Variants in STEAP1B observed in about 807,000 individuals in gnomAD.
STEAP1B encodes the protein STEAP family member 1B, also known as STEAP family protein MGC87042.
STEAP1B carries 13 observed loss-of-function variants against 27.9 expected under a neutral mutation model. That is an observed-to-expected ratio of 0.47 (90% CI 0.30 to 0.74). STEAP1B has a LOEUF of 0.74. Among genes scored for constraint, STEAP1B ranks in the 30% least tolerant of loss-of-function variants. The pLI, the probability that STEAP1B is intolerant of heterozygous loss-of-function variation, is 0.06. For missense variants in STEAP1B, 250 were observed against 298.7 expected, an observed-to-expected ratio of 0.84 and a Z score of 1.20; for synonymous variants, 86 against 107.1, an observed-to-expected ratio of 0.80 and a Z score of 1.22.
At chr7:22,435,152 T>C (rs1435442366) in intron 4 of STEAP1B, among the ~76,000 whole-genome samples, 2 of 152,072 alleles carry the variant, frequency 1.3e-5, no homozygotes, top group Admixed American at 6.5e-5. Context: ...GTTAATCAAT[T>C]GTGATTAAAA....
intron 4 of STEAP1B, among the ~76,000 whole-genome samples, chr7:22,435,247 ATGTC>A (rs1324188756): frequency 1.3e-5 from 2 of 152,104 alleles, no homozygotes; most frequent in Non-Finnish European, 2.9e-5. Context: ...TCAACCTTGA[ATGTC>A]TGGAAGAAAA....
intron 4 of STEAP1B, among the ~76,000 whole-genome samples, chr7:22,471,019 G>A (rs948315081): frequency 6.6e-6 from 1 of 152,182 alleles, no homozygotes; most frequent in Non-Finnish European, 1.5e-5. Context: ...GATTTCCCTG[G>A]CCTGCTTTCA....
In STEAP1B at chr7:22,493,397, T is replaced by C. The variant is rs1310099741; in HGVS notation, c.524A>G (p.His175Arg). Residue 175 changes from histidine (H) to arginine (R), a missense_variant, in exon 3 of 5, where the codon CAT becomes CGT. Physicochemically the swap from His to Arg is conservative, Grantham distance 29. Coordinates refer to ENST00000678116, the MANE Select transcript of STEAP1B (RefSeq NM_001382447.1). ...GLLSLFFAVL[H>R]AIYTLSYAMR... ...TGCGTAAGACAGAGTATAAATTGCA[T>C]GCAGTACAGCAAAAAACAAACTGAG... 2 of 1,614,216 alleles carry C rather than the reference T, an allele frequency of 1.2e-6. No individual in the cohort carries two copies. The highest frequency in any genetic ancestry group is 2.2e-5 in the East Asian group (1 of 44,882).
chr7:22,448,041 G>C (rs993570784), intron 4 of STEAP1B, among the ~76,000 whole-genome samples: 1 of 152,206 alleles, frequency 6.6e-6, no homozygotes, highest in Admixed American at 6.5e-5. Context: ...CTTGCTTTCA[G>C]TTGCTGGTTT....
At chr7:22,499,893 C>T (rs968903371) in intron 1 of STEAP1B, among the ~76,000 whole-genome samples, 5 of 152,246 alleles carry the variant, frequency 3.3e-5, no homozygotes, top group Non-Finnish European at 5.9e-5. Flanking sequence ...CAGCCCCCGG[C>T]CCGGCCACAA....
intron 1 of STEAP1B, among the ~76,000 whole-genome samples, chr7:22,496,965 C>T (rs1786452880): frequency 6.6e-6 from 1 of 152,234 alleles, no homozygotes. Flanking sequence ...AATTACAGAA[C>T]ATTCATGATG....
At chr7:22,452,513 C>G (rs754484650) in intron 4 of STEAP1B, among the ~76,000 whole-genome samples, 1 of 151,986 alleles carries the variant, frequency 6.6e-6, no homozygotes, top group Non-Finnish European at 1.5e-5. Flanking sequence ...TTCAGGATCA[C>G]AAAGCAAGAC....
chr7:22,463,435 C>T (rs1162630293), intron 4 of STEAP1B, among the ~76,000 whole-genome samples: 1 of 152,156 alleles, frequency 6.6e-6, no homozygotes, highest in Non-Finnish European at 1.5e-5. Context: ...TGACTTGCTT[C>T]ACAGAATTGG....
At chr7:22,497,839 G>A (rs10249898) in intron 1 of STEAP1B, among the ~76,000 whole-genome samples, 16,120 of 152,152 alleles carry the variant, frequency 0.11, 1,035 homozygotes, top group African/African-American at 0.17. Context: ...TTATAGTCAT[G>A]GTGGAAGGTG....
At chr7:22,456,428 T>G (rs1050950979) in intron 4 of STEAP1B, among the ~76,000 whole-genome samples, 1 of 152,202 alleles carries the variant, frequency 6.6e-6, no homozygotes, top group South Asian at 2.1e-4. Flanking sequence ...TTCACCATTA[T>G]GCTCCTTGAA....
At chr7:22,439,238 C>G (rs899581476) in intron 4 of STEAP1B, among the ~76,000 whole-genome samples, 4 of 152,210 alleles carry the variant, frequency 2.6e-5, no homozygotes, top group Admixed American at 1.3e-4. Flanking sequence ...TGAAGCATGA[C>G]TTTTCATCTA....
chr7:22,450,864 T>G (rs1785475974), intron 4 of STEAP1B, among the ~76,000 whole-genome samples: 1 of 152,190 alleles, frequency 6.6e-6, no homozygotes, highest in African/African-American at 2.4e-5. Flanking sequence ...GATCTTTCAC[T>G]TCTTTGGTTA....
intron 4 of STEAP1B, among the ~76,000 whole-genome samples, chr7:22,463,410 C>T (rs1026949378): frequency 9.9e-5 from 15 of 152,130 alleles, no homozygotes; most frequent in African/African-American, 3.6e-4. Flanking sequence ...AATGCCATCC[C>T]CATCAAGCTA....
At chr7:22,480,245 T>C (rs1050249306) in intron 4 of STEAP1B, among the ~76,000 whole-genome samples, 4 of 152,214 alleles carry the variant, frequency 2.6e-5, no homozygotes, top group Admixed American at 6.5e-5. Context: ...GGGTCATAAT[T>C]GTACATATCA....
chr7:22,498,744 G>A (rs1383299007), intron 1 of STEAP1B, among the ~76,000 whole-genome samples: 1 of 152,212 alleles, frequency 6.6e-6, no homozygotes, highest in East Asian at 1.9e-4. Context: ...AAGGCTCAGC[G>A]CTGTCTTCTA....
chr7:22,477,930 T>C (rs1380944435), intron 4 of STEAP1B, among the ~76,000 whole-genome samples: 2 of 152,126 alleles, frequency 1.3e-5, no homozygotes, highest in Non-Finnish European at 2.9e-5. Context: ...CAGACTCCCT[T>C]GTAACTCAAA....
At chr7:22,422,514 A>C (rs1785056488) in intron 4 of STEAP1B, among the ~76,000 whole-genome samples, 1 of 148,874 alleles carries the variant, frequency 6.7e-6, no homozygotes, top group Non-Finnish European at 1.5e-5. Context: ...TTTTTTTGAG[A>C]TAGAGTTTCA....
At chr7:22,490,431 T>C (rs1266900305) in intron 4 of STEAP1B, among the ~76,000 whole-genome samples, 1 of 152,262 alleles carries the variant, frequency 6.6e-6, no homozygotes, top group Admixed American at 6.5e-5. Context: ...AAATGGTCCA[T>C]GTTTACTAAA....
intron 1 of STEAP1B, among the ~76,000 whole-genome samples, chr7:22,497,871 A>G (rs1786468653): frequency 1.3e-5 from 2 of 152,204 alleles, no homozygotes; most frequent in Admixed American, 6.5e-5. Context: ...GGCGTCTTAC[A>G]TTATTGCAGT....
Sources: allele counts gnomAD v4.1 joint callset (sites outside exome capture counted in the v4.1 genomes callset), GRCh38; gene constraint gnomAD v4.1.1; transcripts MANE v1.5; gene names NCBI Gene and HGNC (gene_info 2026-07-23, HGNC 2026-07-21).